KCNK9: variants seen among roughly 807,000 people sequenced by gnomAD.
The protein encoded by KCNK9 is potassium channel subfamily K member 9.
In KCNK9, 1 loss-of-function variant was observed where a neutral mutation model predicts 10.8. That is an observed-to-expected ratio of 0.09 (90% CI 0.03 to 0.44). KCNK9 has a LOEUF of 0.44. KCNK9 is among the 20% of genes least tolerant of loss of function. The pLI, the probability that KCNK9 is intolerant of heterozygous loss-of-function variation, is 0.97. For synonymous variants in KCNK9, 231 were observed against 222.7 expected (o/e 1.04, Z -0.33); for missense variants, 303 against 515.0 (o/e 0.59, Z 3.98).
downstream of KCNK9, among the ~76,000 whole-genome samples, chr8:139,610,268 A>G (rs549016100): frequency 6.6e-6 from 1 of 152,302 alleles, no homozygotes; most frequent in East Asian, 1.9e-4. Context: ...TGACAGACCC[A>G]TAGGTCTCAT....
chr8:139,678,494 C>T (rs921349950), intron 1 of KCNK9, among the ~76,000 whole-genome samples: 14 of 152,252 alleles, frequency 9.2e-5, no homozygotes, highest in South Asian at 2.1e-4. Flanking sequence ...CTCTGAGCTC[C>T]GGGGCCTTCA....
chr8:139,615,914 T>C (rs988306350), downstream of KCNK9: 3 of 152,110 alleles, frequency 2.0e-5, no homozygotes, highest in African/African-American at 7.2e-5. Context: ...TCAGCGTCCC[T>C]TTAATTTGCT....
chr8:139,662,811 G>A (rs1452602019), intron 1 of KCNK9, among the ~76,000 whole-genome samples: 1 of 150,534 alleles, frequency 6.6e-6, no homozygotes, highest in Non-Finnish European at 1.5e-5. Flanking sequence ...CTAGTGAGGT[G>A]CGGGGGACAG....
rs564979464 is a variant in KCNK9 at position 139,605,465 on chromosome 8, G to A, written c.*1-3864C>T. 5.9e-5 allele frequency among the ~76,000 whole-genome samples: 9 copies of A among 152,274 alleles called. No individual in the cohort carries two copies. In the South Asian group the frequency reaches 8.3e-4, roughly 14 times the overall value. ...CGAGGTTGTTAGGGGAAAGGCCTCC[G>A]AGTAGGCCTGTCTACAATGAGGAAG... On this transcript the variant is annotated intron_variant, in intron 2 of 2. Transcript: ENST00000650269.
chr8:139,604,608 T>C (rs1325422353), intron 2 of KCNK9, among the ~76,000 whole-genome samples: 2 of 152,182 alleles, frequency 1.3e-5, no homozygotes, highest in Non-Finnish European at 2.9e-5. Flanking sequence ...CGTCCTTATT[T>C]ACATTTTAAG....
chr8:139,702,747 G>C lies in KCNK9; in HGVS notation c.246C>G (p.Gly82=). ...HRAGVQWKFA[G]SFYFAITVIT... The stretch of plus-strand genomic sequence containing the variant: ...TGACCGTGATCGCAAAGTAGAAGGA[G>C]CCGGCGAATTTCCACTGGACGCCGG... The change falls in exon 1 of 2, where the codon GGC becomes GGG. Residue 82 remains glycine, a synonymous_variant. Coordinates refer to ENST00000520439, the MANE Select transcript of KCNK9 (RefSeq NM_001282534.2). The surrounding 1 kb of genome is among the most constrained non-coding windows in gnomAD (Gnocchi z 7.5). The C allele has an allele frequency of 3.1e-6, 5 of 1,612,726 alleles. No individual in the cohort carries two copies. Among genetic ancestry groups the C allele is most frequent in the Non-Finnish European group, 4.2e-6 (5 of 1,179,648 alleles).
intron 1 of KCNK9, among the ~76,000 whole-genome samples, chr8:139,682,841 G>T (rs965088261): frequency 6.9e-6 from 1 of 145,372 alleles, no homozygotes; most frequent in Non-Finnish European, 1.5e-5. Context: ...CCCCACACCC[G>T]CCCTTTAAAA....
chr8:139,685,011 T>C (rs1164415087), intron 1 of KCNK9, among the ~76,000 whole-genome samples: 2 of 152,206 alleles, frequency 1.3e-5, no homozygotes, highest in African/African-American at 4.8e-5. Context: ...TGCAAGCTGA[T>C]TGAGCCAGGA....
chr8:139,644,675 C>A lies in KCNK9; in HGVS notation c.284-25576G>T, dbSNP rs1365518279. ...ACCAGGGCCACTCAGGAGCATGGGA[C>A]CAGACCAGACAGCCTGCTCCCTGGG... On this transcript the variant is annotated intron_variant, in intron 1 of 1. Coordinates refer to ENST00000520439, the MANE Select transcript of KCNK9 (RefSeq NM_001282534.2). Among the ~76,000 whole-genome samples, 3 of 151,880 alleles carry A rather than the reference C, an allele frequency of 2.0e-5. No individual in the cohort carries two copies. The East Asian group carries it at 5.8e-4, about 29-fold the overall frequency.
At chr8:139,670,895 G>A (rs1816411532) in intron 1 of KCNK9, among the ~76,000 whole-genome samples, 1 of 152,142 alleles carries the variant, frequency 6.6e-6, no homozygotes, top group Non-Finnish European at 1.5e-5. Context: ...AGGATTTGAT[G>A]ACCACCCCGG....
intron 1 of KCNK9, among the ~76,000 whole-genome samples, chr8:139,622,658 C>CTCTCACACTG: frequency 6.6e-6 from 1 of 152,346 alleles, no homozygotes; most frequent in East Asian, 1.9e-4. Context: ...ATAAATAGCC[C>CTCTCACACTG]ATTTATTAAT....
At chr8:139,631,375 G>A (rs561759085) in intron 1 of KCNK9, among the ~76,000 whole-genome samples, 2 of 152,320 alleles carry the variant, frequency 1.3e-5, no homozygotes, top group East Asian at 1.9e-4. Flanking sequence ...TGCGGGGTCA[G>A]TGGTATTCTC....
At chr8:139,698,518 C>A (rs1158476598) in intron 1 of KCNK9, among the ~76,000 whole-genome samples, 2 of 152,236 alleles carry the variant, frequency 1.3e-5, no homozygotes, top group South Asian at 2.1e-4. Flanking sequence ...AAGGAACATA[C>A]CCCCTGCATG....
In KCNK9 at chr8:139,693,173, C is replaced by T. The variant is rs1005633992; in HGVS notation, c.283+9537G>A. On this transcript the variant is annotated intron_variant, in intron 1 of 1. Transcript: ENST00000520439. The surrounding 1 kb of genome is among the most constrained non-coding windows in gnomAD (Gnocchi z 4.1). ...TCTCACCTTCCTGAGTGGGCTGCAC[C>T]TCACATGTCTGACAGGGCCAGTGAC... is the stretch of plus-strand genomic sequence containing the variant. 6.6e-6 allele frequency among the ~76,000 whole-genome samples: 1 copy of T among 152,152 alleles called. No homozygotes were observed. The highest frequency in any genetic ancestry group is 1.5e-5 in the Non-Finnish European group (1 of 68,028).
intron 1 of KCNK9, among the ~76,000 whole-genome samples, chr8:139,631,182 G>C (rs1815161311): frequency 6.6e-6 from 1 of 152,266 alleles, no homozygotes; most frequent in African/African-American, 2.4e-5. Flanking sequence ...TCATAGATGA[G>C]ATGTCATGCG....
chr8:139,610,335 G>A (rs528052359), downstream of KCNK9, among the ~76,000 whole-genome samples: 2 of 152,344 alleles, frequency 1.3e-5, no homozygotes, highest in South Asian at 4.1e-4. Flanking sequence ...TTCAGTCCCA[G>A]AGGGCACAGA....
At chr8:139,681,168 A>G (rs141337936) in intron 1 of KCNK9, among the ~76,000 whole-genome samples, 69 of 152,316 alleles carry the variant, frequency 4.5e-4, no homozygotes, top group African/African-American at 1.6e-3. Context: ...AAGCCTCACA[A>G]AAATCTCCAG....
At chr8:139,602,922 G>T (rs1178899302) in intron 2 of KCNK9, among the ~76,000 whole-genome samples, 1 of 152,210 alleles carries the variant, frequency 6.6e-6, no homozygotes, top group Admixed American at 6.5e-5. Flanking sequence ...ATCGCTGCCA[G>T]TCATGCCCTC....
rs1355510513 is a variant in KCNK9 at position 139,693,710 on chromosome 8, G to A, written c.283+9000C>T. Among the ~76,000 whole-genome samples the A allele has an allele frequency of 6.6e-6, 1 of 152,202 alleles. No individual in the cohort carries two copies. The highest frequency in any genetic ancestry group is 1.5e-5 in the Non-Finnish European group (1 of 68,042). ...AAAGAGGAAGGCAGAGCCGGACTCA[G>A]GGCAGAAGGTGTGGGAACAGGGCCT... On this transcript the variant is annotated intron_variant, in intron 1 of 1. Transcript: ENST00000520439. The surrounding 1 kb of genome is among the most constrained non-coding windows in gnomAD (Gnocchi z 4.1).
Sources: gnomAD v4.1 joint callset for allele counts (sites outside exome capture counted in the v4.1 genomes callset) on GRCh38, gnomAD v4.1.1 for gene constraint, Gnocchi (gnomAD v3.1) non-coding constraint, MANE v1.5 for transcripts, NCBI Gene and HGNC (gene_info 2026-07-23, HGNC 2026-07-21) for gene names.